Variants in NCBP2L observed in about 807,000 individuals in gnomAD.
The protein encoded by NCBP2L is nuclear cap binding protein subunit 2 like.
For missense variants in NCBP2L, 95 were observed against 53.1 expected (o/e 1.79, Z -2.45); for synonymous variants, 39 against 19.2 (o/e 2.04, Z -2.70).
intron 1 of NCBP2L, among the ~76,000 whole-genome samples, chrX:107,788,731 C>T (rs1361093970): frequency 8.9e-6 from 1 of 111,874 alleles, no homozygotes; most frequent in African/African-American, 3.3e-5. Context: ...CTAGTGAGTA[C>T]CTACTTTGGG....
At chrX:107,792,885 G>A (rs1437832956) in intron 1 of NCBP2L, among the ~76,000 whole-genome samples, 1 of 111,673 alleles carries the variant, frequency 9.0e-6, no homozygotes, top group Non-Finnish European at 1.9e-5. Context: ...CTTCCTCCAT[G>A]AATATCTCTA....
At chrX:107,778,458 A>T (rs1208691692) in intron 1 of NCBP2L, among the ~76,000 whole-genome samples, 1 of 112,646 alleles carries the variant, frequency 8.9e-6, no homozygotes, top group Non-Finnish European at 1.9e-5. Context: ...ATTGAGATAT[A>T]AAAAAACTAC....
Position 107,794,192 on chromosome X carries a change from G to A in NCBP2L, c.-29G>A, listed in dbSNP as rs1452233895. ...ACTGCTGCCAAGCTGGACCGAAAACGGCCATCGGCATGCTGCCCAACCAGC... is the reference window on the plus strand; with the variant it reads ...ACTGCTGCCAAGCTGGACCGAAAACAGCCATCGGCATGCTGCCCAACCAGC... On this transcript the variant is annotated 5_prime_UTR_variant, in exon 2 of 2. Coordinates refer to ENST00000509000, the MANE Select transcript of NCBP2L (RefSeq NM_001348372.2). 4 of 497,243 alleles carry A rather than the reference G, an allele frequency of 8.0e-6. No homozygotes were observed. Among genetic ancestry groups the A allele is most frequent in the South Asian group, 3.0e-5 (1 of 32,890 alleles). 41.0% of individuals were successfully genotyped at this position (497,243 alleles called of 1,213,427 possible).
At chrX:107,787,821 G>A (rs767997125) in intron 1 of NCBP2L, among the ~76,000 whole-genome samples, 3 of 112,036 alleles carry the variant, frequency 2.7e-5, no homozygotes, top group Non-Finnish European at 5.6e-5. Context: ...GCAGAAAGTA[G>A]CCTGGCTTTT....
intron 1 of NCBP2L, among the ~76,000 whole-genome samples, chrX:107,781,678 C>CTA (rs1283631007): frequency 0.013 from 929 of 70,973 alleles, 16 homozygotes; most frequent in African/African-American, 0.019. Flanking sequence ...ATCTATCTAT[C>CTA]TCTCTCTCTC....
Position 107,794,696 on chromosome X carries a change from GA to G in NCBP2L, c.*19del. 1 of 555,610 alleles carries G rather than the reference GA, an allele frequency of 1.8e-6. No homozygotes were observed. The highest frequency in any genetic ancestry group is 2.3e-5 in the Admixed American group (1 of 43,897). The allele number at this position is 555,610 out of a possible 1,213,427, so 45.8% of individuals were successfully genotyped here. ...ACTCAGATCTAGAACAATCCATAGA[GA>G]AAAAGTTTTAACTCTAACCCCTTGA... On this transcript the variant is annotated 3_prime_UTR_variant, in exon 2 of 2. Coordinates refer to ENST00000509000, the MANE Select transcript of NCBP2L (RefSeq NM_001348372.2).
At chrX:107,780,504 G>T (rs756081589) in intron 1 of NCBP2L, among the ~76,000 whole-genome samples, 1 of 110,987 alleles carries the variant, frequency 9.0e-6, no homozygotes, top group South Asian at 3.9e-4. Context: ...GTTTTCTAAG[G>T]TTACACAGCT....
At chrX:107,781,676 A>ATCTATCTATCTATCTCTCTCTC (rs1380779020) in intron 1 of NCBP2L, among the ~76,000 whole-genome samples, 14 of 55,883 alleles carry the variant, frequency 2.5e-4, no homozygotes, top group African/African-American at 1.5e-3. Flanking sequence ...CTATCTATCT[A>ATCTATCTATCTATCTCTCTCTC]TCTCTCTCTC....
chrX:107,785,976 T>TA (rs199909333), intron 1 of NCBP2L, among the ~76,000 whole-genome samples: 10,485 of 105,058 alleles, frequency 0.1, 563 homozygotes, highest in African/African-American at 0.19. Context: ...CCTAATATAG[T>TA]AAAAAAAAAA....
intron 1 of NCBP2L, among the ~76,000 whole-genome samples, chrX:107,784,203 C>T (rs762811380): frequency 5.4e-5 from 6 of 111,569 alleles, no homozygotes; most frequent in Admixed American, 9.5e-5. Context: ...TGTTACCTGA[C>T]CTTTTCAAAC....
At chrX:107,786,109 A>G (rs1237626609) in intron 1 of NCBP2L, among the ~76,000 whole-genome samples, 1 of 109,755 alleles carries the variant, frequency 9.1e-6, no homozygotes, top group Non-Finnish European at 1.9e-5. Flanking sequence ...CCTACTTTCC[A>G]CTCCTTGTAG....
chrX:107,792,512 C>T (rs749891990), intron 1 of NCBP2L, among the ~76,000 whole-genome samples: 2 of 112,002 alleles, frequency 1.8e-5, no homozygotes, highest in South Asian at 7.4e-4. Context: ...CTTCAAATGA[C>T]ATCTAAATAG....
At chrX:107,785,040 A>AAGGAAGGAAGGAAGGAAG in intron 1 of NCBP2L, among the ~76,000 whole-genome samples, 1 of 103,557 alleles carries the variant, frequency 9.7e-6, no homozygotes, top group African/African-American at 3.8e-5. Flanking sequence ...AAGGAAGGAA[A>AAGGAAGGAAGGAAGGAAG]GAAAGAAAGA....
At chrX:107,793,323 G>T (rs896148980) in intron 1 of NCBP2L, among the ~76,000 whole-genome samples, 1 of 110,814 alleles carries the variant, frequency 9.0e-6, no homozygotes, top group African/African-American at 3.3e-5. Flanking sequence ...CTCGTTTTGC[G>T]GTGTTTCTAT....
At chrX:107,782,669 T>C (rs1476692989) in intron 1 of NCBP2L, among the ~76,000 whole-genome samples, 2 of 106,098 alleles carry the variant, frequency 1.9e-5, no homozygotes, top group African/African-American at 6.9e-5. Flanking sequence ...CTTTGATGAA[T>C]TCAGTTTTTT....
chrX:107,779,807 C>T (rs12010860), intron 1 of NCBP2L, among the ~76,000 whole-genome samples: 1,611 of 87,780 alleles, frequency 0.018, 40 homozygotes, highest in African/African-American at 0.071. Context: ...TGCAGTGGTG[C>T]GATCTTGGCT....
intron 1 of NCBP2L, among the ~76,000 whole-genome samples, chrX:107,792,703 A>G (rs1199907766): frequency 9.0e-6 from 1 of 111,501 alleles, no homozygotes; most frequent in African/African-American, 3.3e-5. Flanking sequence ...ACACACACAT[A>G]TACATACCTT....
intron 1 of NCBP2L, 104 bp downstream of exon 1, chrX:107,777,962 T>C (rs1427641060): frequency 9.0e-6 from 1 of 110,614 alleles, no homozygotes; most frequent in Non-Finnish European, 1.9e-5. Context: ...ATTTCTCCTC[T>C]CAAAAGCAAA....
Position 107,794,205 on chromosome X carries a change from CT to C in NCBP2L, c.-15del. On this transcript the variant is annotated 5_prime_UTR_variant, in exon 2 of 2. Coordinates refer to ENST00000509000, the MANE Select transcript of NCBP2L (RefSeq NM_001348372.2). ...TGGACCGAAAACGGCCATCGGCATG[CT>C]GCCCAACCAGCACCATGTCCAAAGA... 1 of 509,032 alleles carries C rather than the reference CT, an allele frequency of 2.0e-6. No individual in the cohort carries two copies. The highest frequency in any genetic ancestry group is 3.6e-6 in the Non-Finnish European group (1 of 280,756). 41.9% of individuals were successfully genotyped at this position (509,032 alleles called of 1,213,427 possible).
Sources: allele counts gnomAD v4.1 joint callset (sites outside exome capture counted in the v4.1 genomes callset), GRCh38; gene constraint gnomAD v4.1.1; transcripts MANE v1.5; gene names NCBI Gene and HGNC (gene_info 2026-07-23, HGNC 2026-07-21).